The following MUCL1 variants were observed in gnomAD, a reference collection of about 807,000 sequenced individuals.
MUCL1 encodes mucin like 1, also known as mucin-like protein 1.
MUCL1 carries 11 observed loss-of-function variants against 9.2 expected under a neutral mutation model. The ratio of observed to expected loss-of-function variants is 1.19; its 90% confidence interval spans 0.75 to 1.97. MUCL1 has a LOEUF of 1.97. MUCL1 is among the 30% of genes most tolerant of loss of function. MUCL1 has a pLI of 0.00. For missense variants in MUCL1, 144 were observed against 110.9 expected (o/e 1.30, Z -1.34); for synonymous variants, 48 against 40.5 (o/e 1.19, Z -0.71).
At chr12:54,854,232 T>C (rs921744937), upstream of MUCL1, among the ~76,000 whole-genome samples, 1 of 152,198 alleles carries the variant, frequency 6.6e-6, no homozygotes, top group African/African-American at 2.4e-5. Context: ...CAACCTGTCA[T>C]AGGAGCTGGT....
chr12:54,853,337 G>T (rs1467340260), upstream of MUCL1, among the ~76,000 whole-genome samples: 1 of 152,144 alleles, frequency 6.6e-6, no homozygotes, highest in Non-Finnish European at 1.5e-5. Flanking sequence ...AATGTGGATT[G>T]TTTTCCTCCC....
At chr12:54,837,763 C>T (rs1229335415), upstream of MUCL1, among the ~76,000 whole-genome samples, 3 of 151,772 alleles carry the variant, frequency 2.0e-5, no homozygotes, top group African/African-American at 7.3e-5. Context: ...AGTGAGACTC[C>T]GTCTCCAAAA....
chr12:54,834,345 T>G (rs1959189488), intron 1 of MUCL1, among the ~76,000 whole-genome samples: 1 of 152,106 alleles, frequency 6.6e-6, no homozygotes, highest in Admixed American at 6.6e-5. Context: ...TTCTTCACTT[T>G]ATTTTAAAAT....
chr12:54,837,940 T>C (rs1422914843), upstream of MUCL1, among the ~76,000 whole-genome samples: 3 of 152,232 alleles, frequency 2.0e-5, no homozygotes, highest in African/African-American at 7.2e-5. Context: ...ATATTTAACA[T>C]TGAGACATGA....
chr12:54,848,854 T>C (rs1959294668), intron 1 of MUCL1, among the ~76,000 whole-genome samples: 1 of 152,202 alleles, frequency 6.6e-6, no homozygotes, highest in Non-Finnish European at 1.5e-5. Flanking sequence ...AAGCTGTTGG[T>C]AATACATATT....
upstream of MUCL1, among the ~76,000 whole-genome samples, chr12:54,854,221 C>T (rs1219312268): frequency 6.6e-6 from 1 of 152,204 alleles, no homozygotes; most frequent in African/African-American, 2.4e-5. Flanking sequence ...TGGGGCATCT[C>T]CAACCTGTCA....
upstream of MUCL1, among the ~76,000 whole-genome samples, chr12:54,835,109 G>T (rs7973585): frequency 2.8e-4 from 43 of 152,136 alleles, no homozygotes; most frequent in Non-Finnish European, 5.7e-4. Flanking sequence ...TGGCTGAGTA[G>T]TATTCCATGG....
chr12:54,852,043 G>T (rs963050660), upstream of MUCL1, among the ~76,000 whole-genome samples: 3 of 152,112 alleles, frequency 2.0e-5, no homozygotes, highest in Non-Finnish European at 4.4e-5. Context: ...CATGCTCATG[G>T]GTTGGAAGAA....
chr12:54,836,345 T>G (rs1466061934), upstream of MUCL1, among the ~76,000 whole-genome samples: 1 of 152,182 alleles, frequency 6.6e-6, no homozygotes, highest in Non-Finnish European at 1.5e-5. Context: ...TTCTAGAAAT[T>G]TATTCATTTC....
intron 1 of MUCL1, 24 bp downstream of exon 1, chr12:54,854,664 C>T (rs961770940): frequency 1.9e-6 from 3 of 1,600,346 alleles, no homozygotes; most frequent in Non-Finnish European, 2.6e-6. Context: ...CTTACCTGAA[C>T]ATAAGTTTTG....
chr12:54,855,908 T>C (rs1191746231), intron 2 of MUCL1, among the ~76,000 whole-genome samples: 1 of 152,176 alleles, frequency 6.6e-6, no homozygotes, highest in African/African-American at 2.4e-5. Context: ...TAAAAAATAT[T>C]TTCTCTCTTA....
intron 1 of MUCL1, among the ~76,000 whole-genome samples, chr12:54,845,500 A>G (rs925236254): frequency 6.6e-6 from 1 of 152,182 alleles, no homozygotes; most frequent in Non-Finnish European, 1.5e-5. Flanking sequence ...CTGTTCTGCA[A>G]CAAAACAAGG....
At chr12:54,849,265 T>C (rs1959301895) in intron 1 of MUCL1, among the ~76,000 whole-genome samples, 1 of 152,140 alleles carries the variant, frequency 6.6e-6, no homozygotes, top group Non-Finnish European at 1.5e-5. Flanking sequence ...ACATTTGCTT[T>C]TTGGTATTGA....
upstream of MUCL1, among the ~76,000 whole-genome samples, chr12:54,835,017 G>A (rs1959190573): frequency 6.6e-6 from 1 of 152,044 alleles, no homozygotes; most frequent in Non-Finnish European, 1.5e-5. Context: ...TTCCATTCCT[G>A]AGTTACTTCA....
chr12:54,844,050 T>C (rs1386435987), intron 1 of MUCL1, among the ~76,000 whole-genome samples: 9 of 152,208 alleles, frequency 5.9e-5, no homozygotes, highest in Admixed American at 5.9e-4. Context: ...TTTATGGTCA[T>C]GGTAATGAAT....
chr12:54,838,800 C>A (rs1184304721), upstream of MUCL1, among the ~76,000 whole-genome samples: 5 of 151,980 alleles, frequency 3.3e-5, no homozygotes, highest in African/African-American at 4.8e-5. Flanking sequence ...ATATCTATCT[C>A]TTTAGAAAAT....
upstream of MUCL1, among the ~76,000 whole-genome samples, chr12:54,851,795 A>G (rs1311320535): frequency 6.6e-6 from 1 of 152,334 alleles, no homozygotes; most frequent in African/African-American, 2.4e-5. Context: ...TAAGCTGATA[A>G]GCAACTTCAG....
At chr12:54,853,702 C>T (rs1868274531), upstream of MUCL1, among the ~76,000 whole-genome samples, 1 of 152,082 alleles carries the variant, frequency 6.6e-6, no homozygotes, top group Non-Finnish European at 1.5e-5. Flanking sequence ...ACACATAATA[C>T]ATTGTGTTTT....
At chr12:54,837,108 G>A (rs533087099), upstream of MUCL1, among the ~76,000 whole-genome samples, 1 of 152,194 alleles carries the variant, frequency 6.6e-6, no homozygotes, top group Admixed American at 6.6e-5. Flanking sequence ...TTTTTCTAGA[G>A]TGCAGTTTAA....
Sources: gnomAD v4.1 joint callset for allele counts (sites outside exome capture counted in the v4.1 genomes callset) on GRCh38, gnomAD v4.1.1 for gene constraint, MANE v1.5 for transcripts, NCBI Gene and HGNC (gene_info 2026-07-23, HGNC 2026-07-21) for gene names.